Variants in OSBPL6 observed in about 807,000 individuals in gnomAD.
OSBPL6 encodes the protein oxysterol binding protein like 6, also known as oxysterol-binding protein-related protein 6.
Under a neutral mutation model 125.8 loss-of-function variants are expected in OSBPL6, and 49 were observed. That is an observed-to-expected ratio of 0.39 (90% CI 0.31 to 0.49). The LOEUF is 0.49. OSBPL6 is among the 20% of genes least tolerant of loss of function. The probability of loss-of-function intolerance (pLI) is 0.88; values close to 1 mark genes in which losing one functional copy is unlikely to be tolerated. For missense variants in OSBPL6, 986 were observed against 1,135.4 expected (o/e 0.87, Z 1.89); for synonymous variants, 394 against 391.8 (o/e 1.01, Z -0.07).
chr2:178,225,765 A>G (rs894190718), intron 1 of OSBPL6, among the ~76,000 whole-genome samples: 1 of 152,136 alleles, frequency 6.6e-6, no homozygotes, highest in African/African-American at 2.4e-5. Flanking sequence ...CGTTTTTAAA[A>G]CCATCAGATG....
intron 1 of OSBPL6, among the ~76,000 whole-genome samples, chr2:178,205,107 C>T (rs539243426): frequency 2.0e-5 from 3 of 152,218 alleles, no homozygotes; most frequent in Non-Finnish European, 2.9e-5. Flanking sequence ...ATTGTATAAT[C>T]AGATTTCAAA....
intron 1 of OSBPL6, among the ~76,000 whole-genome samples, chr2:178,218,050 G>A (rs1403314922): frequency 6.6e-6 from 1 of 152,156 alleles, no homozygotes; most frequent in Non-Finnish European, 1.5e-5. Context: ...ACTGTTCTGA[G>A]AGTTTACCTG....
chr2:178,376,718 G>A (rs1181939980), intron 15 of OSBPL6, among the ~76,000 whole-genome samples: 1 of 152,150 alleles, frequency 6.6e-6, no homozygotes, highest in African/African-American at 2.4e-5. Flanking sequence ...CCAGCCTCAT[G>A]CCACCTGTCT....
At chr2:178,392,330 G>C in intron 22 of OSBPL6, 82 bp from the exon 23 acceptor site, 2 of 1,484,132 alleles carry the variant, frequency 1.3e-6, no homozygotes, top group Admixed American at 1.8e-5. Flanking sequence ...GTTAGTGTAG[G>C]TACTAAGTAC....
intron 1 of OSBPL6, among the ~76,000 whole-genome samples, chr2:178,224,393 G>A (rs2153972923): frequency 6.6e-6 from 1 of 152,216 alleles, no homozygotes; most frequent in African/African-American, 2.4e-5. Context: ...TCTAGAGAGG[G>A]AAAAAGAACT....
chr2:178,280,921 G>C (rs1471233903), intron 1 of OSBPL6, among the ~76,000 whole-genome samples: 1 of 151,748 alleles, frequency 6.6e-6, no homozygotes, highest in African/African-American at 2.4e-5. Context: ...TTGTCTGTTT[G>C]CTCTGGTAGT....
chr2:178,331,841 G>A (rs555309065), intron 6 of OSBPL6, among the ~76,000 whole-genome samples: 12 of 152,224 alleles, frequency 7.9e-5, no homozygotes, highest in Middle Eastern at 3.4e-3. Context: ...TAAAAGTGAC[G>A]CATGAGTAAA....
chr2:178,252,710 T>G (rs77912177), intron 1 of OSBPL6, among the ~76,000 whole-genome samples: 37 of 152,302 alleles, frequency 2.4e-4, no homozygotes, highest in African/African-American at 8.9e-4. Flanking sequence ...CAGATAGATG[T>G]AAATCCTTAC....
Position 178,399,979 on chromosome 2 carries a change from T to A in OSBPL6, c.*4420T>A, listed in dbSNP as rs1055178759. On this transcript the variant is annotated 3_prime_UTR_variant, in exon 25 of 25. Coordinates refer to ENST00000190611, the MANE Select transcript of OSBPL6 (RefSeq NM_032523.4). ...AAATGTTCTTATTTTCTGCAATTTT[T>A]TTTTCTAGCCATTCCTTCCTCCCAA... 5.9e-5 allele frequency: 9 copies of A among 152,338 alleles called. No homozygotes were observed. In the East Asian group the frequency reaches 1.7e-3, roughly 29 times the overall value. The allele number at this position is 152,338 out of a possible 1,614,324, so 9.4% of individuals were successfully genotyped here. A position where few individuals can be genotyped will look rare whatever the true frequency, so the allele number is the denominator to read the frequency against.
Position 178,333,040 on chromosome 2 carries a change from A to G in OSBPL6, c.656A>G (p.Lys219Arg), listed in dbSNP as rs1317615207. The G allele has an allele frequency of 6.2e-7, 1 of 1,613,694 alleles. No individual in the cohort carries two copies. The highest frequency in any genetic ancestry group is 8.5e-7 in the Non-Finnish European group (1 of 1,179,904). ...GCTAATGTTTCTGTAATGGATGGAA[A>G]GGTATGACTTTGTTCTATAAAAACC... is the stretch of plus-strand genomic sequence containing the variant. ...PAANVSVMDG[K>R]MQPNSFPWQS... The change falls in exon 8 of 25, where the codon AAG becomes AGG. Residue 219 changes from lysine (K) to arginine (R), a missense_variant and splice_region_variant. Lys to Arg is a conservative substitution (Grantham distance 26, BLOSUM62 2). This residue lies in a region of OSBPL6 where 843 missense variants were observed against 997.3 expected (regional missense o/e 0.85). Transcript: ENST00000190611.
At chr2:178,360,132 C>T (rs891894068) in intron 12 of OSBPL6, among the ~76,000 whole-genome samples, 20 of 151,842 alleles carry the variant, frequency 1.3e-4, no homozygotes, top group African/African-American at 4.4e-4. Context: ...CATGATCTCA[C>T]TTATATATGG....
chr2:178,272,040 T>G (rs1344630545), intron 1 of OSBPL6, among the ~76,000 whole-genome samples: 2 of 152,228 alleles, frequency 1.3e-5, no homozygotes, highest in African/African-American at 4.8e-5. Flanking sequence ...CTCATTTACG[T>G]AACAGGTTTT....
intron 11 of OSBPL6, among the ~76,000 whole-genome samples, chr2:178,342,025 C>T (rs1367954770): frequency 6.6e-6 from 1 of 151,984 alleles, no homozygotes; most frequent in Non-Finnish European, 1.5e-5. Flanking sequence ...TTAAAGATAC[C>T]CACCACTTTC....
chr2:178,265,674 A>C (rs1428185496), intron 1 of OSBPL6, among the ~76,000 whole-genome samples: 31 of 152,100 alleles, frequency 2.0e-4, no homozygotes, highest in Non-Finnish European at 4.6e-4. Context: ...TGGGGAGTCT[A>C]ATCTGGGTTG....
chr2:178,383,609 G>C (rs1694684402), intron 17 of OSBPL6, among the ~76,000 whole-genome samples: 1 of 152,178 alleles, frequency 6.6e-6, no homozygotes, highest in Non-Finnish European at 1.5e-5. Flanking sequence ...CAGGAACTTA[G>C]GTCTGAGAAA....
At chr2:178,361,904 T>A in intron 13 of OSBPL6, 89 bp downstream of exon 13, 1 of 1,503,102 alleles carries the variant, frequency 6.7e-7, no homozygotes. Context: ...GGCAGGGAGG[T>A]GGCTAGTCAT....
chr2:178,278,910 A>G (rs1478657219), intron 1 of OSBPL6, among the ~76,000 whole-genome samples: 1 of 152,234 alleles, frequency 6.6e-6, no homozygotes, highest in African/African-American at 2.4e-5. Flanking sequence ...ATTGTGCTAC[A>G]GATTTCTAGA....
intron 15 of OSBPL6, among the ~76,000 whole-genome samples, chr2:178,378,370 A>C (rs956608857): frequency 6.6e-6 from 1 of 152,184 alleles, no homozygotes; most frequent in Non-Finnish European, 1.5e-5. Flanking sequence ...TATAATGATT[A>C]TTCTGAGAAA....
chr2:178,203,737 C>T (rs1430212453), intron 1 of OSBPL6, among the ~76,000 whole-genome samples: 1 of 152,160 alleles, frequency 6.6e-6, no homozygotes, highest in Non-Finnish European at 1.5e-5. Flanking sequence ...GAAATAGTTT[C>T]ACTCTTTAAG....
Sources: allele counts gnomAD v4.1 joint callset (sites outside exome capture counted in the v4.1 genomes callset), GRCh38; gene constraint gnomAD v4.1.1; regional missense constraint gnomAD v4.1.1; transcripts MANE v1.5; gene names NCBI Gene and HGNC (gene_info 2026-07-23, HGNC 2026-07-21).